LAPTM4B: variants seen among roughly 807,000 people sequenced by gnomAD.
LAPTM4B encodes the protein lysosomal-associated transmembrane protein 4B.
A neutral mutation model predicts 28.5 loss-of-function variants in LAPTM4B; 26 were observed. That is an observed-to-expected ratio of 0.91 (90% CI 0.67 to 1.27). The LOEUF is 1.27. Among genes scored for constraint, LAPTM4B ranks in the 50% most tolerant of loss-of-function variants. The probability of loss-of-function intolerance (pLI) is 0.00; values close to 1 mark genes in which losing one functional copy is unlikely to be tolerated. For synonymous variants in LAPTM4B, 109 were observed against 106.4 expected (o/e 1.02, Z -0.15); for missense variants, 288 against 285.8 (o/e 1.01, Z -0.06).
At chr8:97,788,740 G>A (rs975788784) in intron 1 of LAPTM4B, among the ~76,000 whole-genome samples, 59 of 151,368 alleles carry the variant, frequency 3.9e-4, no homozygotes, top group African/African-American at 1.4e-3. Flanking sequence ...TGTTGCCCAG[G>A]TTGGAGTGCA....
At chr8:97,838,360 T>G (rs1817293421) in intron 6 of LAPTM4B, among the ~76,000 whole-genome samples, 2 of 152,212 alleles carry the variant, frequency 1.3e-5, no homozygotes, top group South Asian at 4.1e-4. Flanking sequence ...TCTCTGCATC[T>G]CTTAGACCTC....
rs764306067 is a variant in LAPTM4B, at chr8:97,805,460, T to C, written c.207T>C (p.Asp69=). The C allele has an allele frequency of 1.3e-6, 2 of 1,561,772 alleles. No homozygotes were observed. The highest frequency in any genetic ancestry group is 8.8e-7 in the Non-Finnish European group (1 of 1,133,000). Residue 69 remains aspartate (D), a synonymous_variant, in exon 2 of 7, where the codon GAT becomes GAC. Transcript: ENST00000521545. ...ELGGDFEFMD[D]ANMCIAIAIS... ...GAGGTGACTTTGAGTTCATGGATGA[T>C]GCCAGTAAGTAGTAGATATTTGGGT...
At chr8:97,825,755 G>C (rs984866665) in intron 6 of LAPTM4B, among the ~76,000 whole-genome samples, 3 of 152,186 alleles carry the variant, frequency 2.0e-5, no homozygotes, top group African/African-American at 4.8e-5. Flanking sequence ...AAATTATCTT[G>C]AAATTTCCTG....
At chr8:97,800,340 T>C (rs1259494199) in intron 1 of LAPTM4B, among the ~76,000 whole-genome samples, 1 of 152,100 alleles carries the variant, frequency 6.6e-6, no homozygotes, top group Non-Finnish European at 1.5e-5. Flanking sequence ...TTAACATGGT[T>C]CTTGTTAAGA....
intron 6 of LAPTM4B, among the ~76,000 whole-genome samples, chr8:97,825,769 C>T (rs1382051397): frequency 1.3e-5 from 2 of 152,158 alleles, no homozygotes; most frequent in East Asian, 1.9e-4. Flanking sequence ...TTTCCTGGCT[C>T]ATGGTAAGAT....
rs1816747436 is a variant in LAPTM4B, at chr8:97,805,585, A to G, written c.211+121A>G. On this transcript the variant is annotated intron_variant, in intron 2 of 6. Transcript: ENST00000521545. ...GCTGATATATAACTTGTCATTGCAA[A>G]TCAACGAATATTTGTGTGCGTCTAA... is the stretch of plus-strand genomic sequence containing the variant. 5 of 666,872 alleles carry G rather than the reference A, an allele frequency of 7.5e-6. No homozygotes were observed. The Admixed American group carries it at 1.2e-4, about 16-fold the overall frequency. 41.3% of individuals were successfully genotyped at this position (666,872 alleles called of 1,614,324 possible).
chr8:97,809,404 A>G (rs1563609898), intron 2 of LAPTM4B, among the ~76,000 whole-genome samples: 1 of 152,190 alleles, frequency 6.6e-6, no homozygotes, highest in Non-Finnish European at 1.5e-5. Context: ...GAATAGACAG[A>G]GTAAGAAATG....
At chr8:97,813,357 G>A (rs1020008415) in intron 2 of LAPTM4B, among the ~76,000 whole-genome samples, 5 of 152,236 alleles carry the variant, frequency 3.3e-5, no homozygotes, top group Admixed American at 6.5e-5. Flanking sequence ...GATGGAAGCC[G>A]GAAGACTCAG....
chr8:97,785,231 G>A (rs1204652030), intron 1 of LAPTM4B, among the ~76,000 whole-genome samples: 2 of 151,184 alleles, frequency 1.3e-5, no homozygotes, highest in African/African-American at 4.9e-5. Flanking sequence ...GATTACAGGC[G>A]CAGGCCACCA....
chr8:97,781,653 C>G (rs949584278), intron 1 of LAPTM4B, among the ~76,000 whole-genome samples: 3 of 152,184 alleles, frequency 2.0e-5, no homozygotes, highest in Non-Finnish European at 4.4e-5. Flanking sequence ...GAGAACATTT[C>G]CAAACTTTCA....
At chr8:97,823,886 A>G (rs1048291559) in intron 5 of LAPTM4B, among the ~76,000 whole-genome samples, 55 of 150,512 alleles carry the variant, frequency 3.7e-4, no homozygotes, top group African/African-American at 1.3e-3. Flanking sequence ...TTTAGTAGAG[A>G]TGGAGTTTCA....
intron 2 of LAPTM4B, among the ~76,000 whole-genome samples, chr8:97,812,553 A>G (rs897336081): frequency 6.6e-6 from 1 of 152,176 alleles, no homozygotes; most frequent in East Asian, 1.9e-4. Context: ...ACGCCTTTGT[A>G]TGTATGAGAA....
intron 1 of LAPTM4B, among the ~76,000 whole-genome samples, chr8:97,796,626 T>C (rs1458067278): frequency 1.3e-5 from 2 of 152,214 alleles, no homozygotes; most frequent in Admixed American, 6.5e-5. Context: ...TTTATACATG[T>C]GAGCACATTA....
rs144651693 is a variant in LAPTM4B, at chr8:97,812,206, G to GTT, written c.212-3113_212-3112dup. Among the ~76,000 whole-genome samples the GTT allele has an allele frequency of 3.4e-3, 264 of 78,290 alleles. 6 individuals are homozygous for GTT. In the South Asian group the frequency reaches 0.047, roughly 14 times the overall value. The allele number at this position is 78,290 out of a possible 152,430, so 51.4% of individuals were successfully genotyped here. A position where few individuals can be genotyped will look rare whatever the true frequency, so the allele number is the denominator to read the frequency against. On this transcript the variant is annotated intron_variant, in intron 2 of 6. Coordinates refer to ENST00000521545, the MANE Select transcript of LAPTM4B (RefSeq NM_018407.6). ...TAAAGGATAAGTAAATTAATTATTT[G>GTT]TTTTTTTTTTGTTGTTTTTTGTTTT...
intron 2 of LAPTM4B, among the ~76,000 whole-genome samples, chr8:97,810,198 A>T (rs1183756103): frequency 6.6e-6 from 1 of 152,206 alleles, no homozygotes; most frequent in African/African-American, 2.4e-5. Flanking sequence ...CTAGGATTAC[A>T]GGCATGAGCC....
At chr8:97,823,535 C>G (rs950286140) in intron 5 of LAPTM4B, among the ~76,000 whole-genome samples, 1 of 151,260 alleles carries the variant, frequency 6.6e-6, no homozygotes, top group Non-Finnish European at 1.5e-5. Context: ...TCCCAATGCC[C>G]GGCTAATTTT....
At chr8:97,808,970 A>G (rs975863973) in intron 2 of LAPTM4B, among the ~76,000 whole-genome samples, 2 of 152,108 alleles carry the variant, frequency 1.3e-5, no homozygotes, top group African/African-American at 4.8e-5. Flanking sequence ...CAGAAAGAAA[A>G]AGAAAAAAGA....
intron 1 of LAPTM4B, among the ~76,000 whole-genome samples, chr8:97,787,546 A>G (rs1411575693): frequency 6.6e-6 from 1 of 152,182 alleles, no homozygotes; most frequent in Non-Finnish European, 1.5e-5. Context: ...GGCCTCCCAA[A>G]GTGCTGGGAT....
At chr8:97,796,998 C>T (rs762205256) in intron 1 of LAPTM4B, among the ~76,000 whole-genome samples, 6 of 152,016 alleles carry the variant, frequency 3.9e-5, no homozygotes, top group Non-Finnish European at 8.8e-5. Context: ...TACAATGGCT[C>T]ATGCTTGTGA....
Sources: allele counts gnomAD v4.1 joint callset (sites outside exome capture counted in the v4.1 genomes callset), GRCh38; gene constraint gnomAD v4.1.1; transcripts MANE v1.5; gene names NCBI Gene and HGNC (gene_info 2026-07-23, HGNC 2026-07-21).